CEP120: variants seen among roughly 807,000 people sequenced by gnomAD.
CEP120 encodes the protein centrosomal protein 120.
Under a neutral mutation model 126.5 loss-of-function variants are expected in CEP120, and 113 were observed. That is an observed-to-expected ratio of 0.89 (90% CI 0.77 to 1.04). The LOEUF (loss-of-function observed/expected upper bound fraction) is 1.04. Ranked by LOEUF, CEP120 falls within the 50% of genes least tolerant of loss-of-function variation. The pLI, the probability that CEP120 is intolerant of heterozygous loss-of-function variation, is 0.00. For synonymous variants in CEP120, 400 were observed against 394.3 expected (o/e 1.01, Z -0.17); for missense variants, 1,230 against 1,155.7 (o/e 1.06, Z -0.93).
intron 4 of CEP120, chr5:123,401,671 G>A (rs1425480191): frequency 3.5e-6 from 5 of 1,415,492 alleles, no homozygotes; most frequent in East Asian, 2.3e-5. Flanking sequence ...ACAGCTGCCT[G>A]AGGAAGTTGA....
intron 4 of CEP120, chr5:123,400,839 T>C (rs1241953848): frequency 1.1e-6 from 1 of 906,090 alleles, no homozygotes; most frequent in Non-Finnish European, 1.8e-6. Context: ...CTGTTCCCAG[T>C]GCTACCCTGC....
intron 4 of CEP120, chr5:123,401,176 T>C: frequency 6.2e-7 from 1 of 1,611,920 alleles, no homozygotes; most frequent in Non-Finnish European, 8.5e-7. Context: ...TTCTTGTAGG[T>C]GGCGATCTCG....
In CEP120 at chr5:123,420,710, T is replaced by C. The variant is rs146233330; in HGVS notation, c.50-2195A>G. Among the ~76,000 whole-genome samples the C allele has an allele frequency of 2.8e-3, 425 of 152,318 alleles. 2 individuals carry two copies. Among genetic ancestry groups the C allele is most frequent in the Non-Finnish European group, 4.0e-3 (274 of 68,036 alleles). On this transcript the variant is annotated intron_variant, in intron 1 of 19. Coordinates refer to ENST00000306467, the MANE Select transcript of CEP120 (RefSeq NM_001375405.1). ...GATGTTTCTGGAAAGGAAGAAAACATTGAAGAATCAGACTACTGAAAAGAT... is the reference window on the plus strand; with the variant it reads ...GATGTTTCTGGAAAGGAAGAAAACACTGAAGAATCAGACTACTGAAAAGAT...
Position 123,346,591 on chromosome 5 carries a change from G to C in CEP120, c.2889C>G (p.His963Gln), listed in dbSNP as rs142459804. The stretch of plus-strand genomic sequence containing the variant: ...CGAGTTCACTTATTATTCGATCCTC[G>C]TGATTATACACACCCGTTCTCATCA... ...DTLMRTGVYNHEDRIISELDR... is the reference protein window; with the variant it reads ...DTLMRTGVYNQEDRIISELDR... The change falls in exon 20 of 20, where the codon CAC becomes CAG. Residue 963 changes from histidine (H) to glutamine (Q), a missense_variant. His to Gln is a conservative substitution (Grantham distance 24). Coordinates refer to ENST00000306467, the MANE Select transcript of CEP120 (RefSeq NM_001375405.1). 8.7e-6 allele frequency: 14 copies of C among 1,613,694 alleles called. No homozygotes were observed. The highest frequency in any genetic ancestry group is 4.5e-5 in the East Asian group (2 of 44,838).
intron 18 of CEP120, among the ~76,000 whole-genome samples, chr5:123,357,073 G>A (rs774036273): frequency 1.3e-5 from 2 of 151,924 alleles, no homozygotes; most frequent in Admixed American, 1.3e-4. Flanking sequence ...TTCAGCAATC[G>A]TTTTCTTTAG....
chr5:123,364,634 C>T (rs1228645303), intron 17 of CEP120, 40 bp from the exon 18 acceptor site: 12 of 1,203,552 alleles, frequency 1.0e-5, no homozygotes, highest in Non-Finnish European at 1.4e-5. Flanking sequence ...AACACTATAC[C>T]ACTGTGTACA....
chr5:123,381,451 T>A (rs1293161453), intron 14 of CEP120, among the ~76,000 whole-genome samples: 2 of 152,100 alleles, frequency 1.3e-5, no homozygotes, highest in African/African-American at 4.8e-5. Context: ...ATAAGAGTAT[T>A]TCTAAAGTCC....
chr5:123,384,698 C>T (rs1771901359), intron 11 of CEP120, among the ~76,000 whole-genome samples: 1 of 152,044 alleles, frequency 6.6e-6, no homozygotes, highest in Non-Finnish European at 1.5e-5. Context: ...AATAATTAGC[C>T]ATCTGAATAT....
chr5:123,346,726 G>T lies in CEP120; in HGVS notation c.2754C>A (p.Tyr918Ter). 6.2e-7 allele frequency: 1 copy of T among 1,610,562 alleles called. No individual in the cohort carries two copies. The highest frequency in any genetic ancestry group is 8.5e-7 in the Non-Finnish European group (1 of 1,179,020). Residue 918 changes from tyrosine (Y) to a stop codon, truncating the protein, a stop_gained, in exon 20 of 20, where the codon TAC (tyrosine) becomes TAA (stop). Coordinates refer to ENST00000306467, the MANE Select transcript of CEP120 (RefSeq NM_001375405.1). LOFTEE classifies it high-confidence loss of function. Reference sequence around the variant, plus strand: ...CACTTGCAATCTCTGTGGAATCCTGGTATTGTTTTTGCTCTTGTTGCCTTA... The same window carrying T: ...CACTTGCAATCTCTGTGGAATCCTGTTATTGTTTTTGCTCTTGTTGCCTTA... ...NRLRQQEQKQ[Y>*]QDSTEIASGK...
At position 123,345,701 on chromosome 5, in the gene CEP120, A is replaced by AT. The variant is rs1240572661; in HGVS notation, c.*817dup. ...GTAAAAAATAGTTGATTTTCACTCT[A>AT]TTTTTTCAGCTAATGTCTTTATGTG... is the stretch of plus-strand genomic sequence containing the variant. On this transcript the variant is annotated 3_prime_UTR_variant, in exon 20 of 20. Transcript: ENST00000306467. The AT allele has an allele frequency of 1.3e-5, 2 of 152,118 alleles. No individual in the cohort carries two copies. The highest frequency in any genetic ancestry group is 2.9e-5 in the Non-Finnish European group (2 of 68,014). The allele number at this position is 152,118 out of a possible 1,614,324, so 9.4% of individuals were successfully genotyped here.
chr5:123,405,895 T>C (rs1051024492), intron 4 of CEP120, among the ~76,000 whole-genome samples: 1 of 151,960 alleles, frequency 6.6e-6, no homozygotes, highest in Non-Finnish European at 1.5e-5. Flanking sequence ...GTTGGAATTA[T>C]CAAAACAGAA....
At chr5:123,363,359 T>C (rs945347283) in intron 18 of CEP120, among the ~76,000 whole-genome samples, 1 of 151,592 alleles carries the variant, frequency 6.6e-6, no homozygotes, top group Non-Finnish European at 1.5e-5. Context: ...TTTATAGTTG[T>C]TTCTTCCTTA....
At chr5:123,379,898 T>G (rs1232592922) in intron 14 of CEP120, among the ~76,000 whole-genome samples, 2 of 152,138 alleles carry the variant, frequency 1.3e-5, no homozygotes, top group Admixed American at 6.6e-5. Flanking sequence ...AAGCATGATC[T>G]TATCTACAGA....
intron 17 of CEP120, among the ~76,000 whole-genome samples, chr5:123,367,662 A>G (rs912006959): frequency 1.3e-5 from 2 of 151,980 alleles, no homozygotes; most frequent in African/African-American, 2.4e-5. Context: ...AAGTGGAAAC[A>G]CCTCTGATCC....
At chr5:123,399,114 C>T (rs770186298) in intron 5 of CEP120, 22 bp downstream of exon 5, 3 of 1,541,510 alleles carry the variant, frequency 1.9e-6, no homozygotes, top group South Asian at 2.6e-5. Flanking sequence ...TCGTAAGTCA[C>T]CAATCTCATG....
intron 13 of CEP120, among the ~76,000 whole-genome samples, chr5:123,382,452 G>A (rs1771715131): frequency 6.6e-6 from 1 of 152,024 alleles, no homozygotes; most frequent in Admixed American, 6.6e-5. Context: ...AATGATGCAA[G>A]GTTCCAGGAG....
chr5:123,375,129 T>C (rs1019052797), intron 16 of CEP120, among the ~76,000 whole-genome samples: 7 of 152,112 alleles, frequency 4.6e-5, no homozygotes, highest in Admixed American at 2.6e-4. Flanking sequence ...TATACAGTCA[T>C]GGACTTAGCA....
intron 15 of CEP120, among the ~76,000 whole-genome samples, chr5:123,377,870 T>A (rs905915627): frequency 3.3e-5 from 5 of 152,124 alleles, no homozygotes; most frequent in Admixed American, 3.3e-4. Flanking sequence ...AACTTCTGAT[T>A]CTTGCCTAAT....
intron 13 of CEP120, 129 bp downstream of exon 13, chr5:123,382,608 A>T (rs1771725014): frequency 1.2e-6 from 1 of 807,576 alleles, no homozygotes; most frequent in South Asian, 3.1e-5. Context: ...TTTTAAGTAA[A>T]GCATTGTTGA....
Sources: allele counts gnomAD v4.1 joint callset (sites outside exome capture counted in the v4.1 genomes callset), GRCh38; gene constraint gnomAD v4.1.1; transcripts MANE v1.5; gene names NCBI Gene and HGNC (gene_info 2026-07-23, HGNC 2026-07-21).